The following NBPF14 variants were observed in gnomAD, a reference collection of about 807,000 sequenced individuals.
NBPF14 encodes the protein NBPF member 14, also known as NBPF family member NBPF14.
NBPF14 carries 104 observed loss-of-function variants against 91.2 expected under a neutral mutation model. The ratio of observed to expected loss-of-function variants is 1.14; its 90% CI spans 0.97 to 1.34. NBPF14 has a LOEUF of 1.34. NBPF14 is among the 40% of genes most tolerant of loss of function. The pLI is 0.00. For synonymous variants in NBPF14, 294 were observed against 303.8 expected (o/e 0.97, Z 0.34); for missense variants, 908 against 783.0 (o/e 1.16, Z -1.91).
At chr1:148,534,734 G>A (rs1331824654) in exon 69 of NBPF14, 2 of 832,708 alleles carry the variant, frequency 2.4e-6, no homozygotes, top group African/African-American at 1.7e-5. Context: ...TGAGTAAACA[G>A]CACTGCTGTA....
intron 12 of NBPF14, among the ~76,000 whole-genome samples, chr1:148,580,747 C>T (rs1337323603): frequency 1.7e-5 from 1 of 58,170 alleles, no homozygotes; most frequent in African/African-American, 8.0e-5. Context: ...AGCAGCAGAT[C>T]TCTTGGCACA....
rs1239263276 is a variant in NBPF14 at position 148,533,760 on chromosome 1, C to T, written c.8723+101G>A. On this transcript the variant is annotated intron_variant, in intron 70 of 70. Coordinates refer to ENST00000619423, the Ensembl canonical transcript of NBPF14. ...AGCAATGACAGTAGGAGTAATTCAGCCTTTGTTGAAAATATGACATCAAAC... is the reference window on the plus strand; with the variant it reads ...AGCAATGACAGTAGGAGTAATTCAGTCTTTGTTGAAAATATGACATCAAAC... 12 of 761,256 alleles carry T rather than the reference C, an allele frequency of 1.6e-5. 1 individual carries two copies. The highest frequency in any genetic ancestry group is 1.0e-4 in the Admixed American group (6 of 57,824). 47.2% of individuals were successfully genotyped at this position (761,256 alleles called of 1,614,324 possible). A position where few individuals can be genotyped will look rare whatever the true frequency, so the allele number is the denominator to read the frequency against.
At chr1:148,588,618 T>C in intron 7 of NBPF14, among the ~76,000 whole-genome samples, 1 of 152,096 alleles carries the variant, frequency 6.6e-6, no homozygotes, top group East Asian at 1.9e-4. Flanking sequence ...ATTACAGGAG[T>C]GAGCCACCAT....
exon 37 of NBPF14, chr1:148,559,858 T>C: frequency 6.6e-7 from 1 of 1,509,212 alleles, no homozygotes; most frequent in Non-Finnish European, 8.9e-7. Flanking sequence ...TCTATAGGGC[T>C]GGCATGAGTC....
In NBPF14 at chr1:148,576,287, A is replaced by G. The variant is rs1330540947; in HGVS notation, c.2078+123T>C. 14 of 535,334 alleles carry G rather than the reference A, an allele frequency of 2.6e-5. No homozygotes were observed. In the Admixed American group the frequency reaches 3.2e-4, roughly 12 times the overall value. 33.2% of individuals were successfully genotyped at this position (535,334 alleles called of 1,614,324 possible). A position where few individuals can be genotyped will look rare whatever the true frequency, so the allele number is the denominator to read the frequency against. On this transcript the variant is annotated intron_variant, in intron 16 of 70. Transcript: ENST00000619423. ...TCTACTGCAATGAAAACCAACAGCA[A>G]TGTCAGTAGGAGTAATTCAACCTTC...
chr1:148,585,933 A>G (rs1474694667), intron 9 of NBPF14, among the ~76,000 whole-genome samples: 20 of 150,602 alleles, frequency 1.3e-4, no homozygotes, highest in Middle Eastern at 3.5e-3. Context: ...GGGAACCTTC[A>G]TTCTTAGTCC....
Position 148,566,762 on chromosome 1 carries a change from T to TA in NBPF14, c.3542+189dup, listed in dbSNP as rs1658527332. The stretch of plus-strand genomic sequence containing the variant: ...GTCTGGTCCACCTACAGTAGGTTAG[T>TA]AAATGATAAGGGGAGGAAGAAATGG... On this transcript the variant is annotated intron_variant, in intron 28 of 70. Transcript: ENST00000619423. Among the ~76,000 whole-genome samples the TA allele has an allele frequency of 1.9e-5, 2 of 104,836 alleles. 1 individual carries two copies. The highest frequency in any genetic ancestry group is 1.8e-4 in the Admixed American group (2 of 11,386). 68.8% of individuals were successfully genotyped at this position (104,836 alleles called of 152,430 possible). A position where few individuals can be genotyped will look rare whatever the true frequency, so the allele number is the denominator to read the frequency against.
exon 8 of NBPF14, chr1:148,587,391 C>A (rs1661719489): frequency 2.5e-6 from 4 of 1,579,402 alleles, no homozygotes; most frequent in African/African-American, 2.8e-5. Flanking sequence ...GAGGTCTTTG[C>A]ACTCTTCATA....
At chr1:148,539,312 GA>G (rs1177522721) in intron 63 of NBPF14, 97 bp downstream of exon 63, 2 of 617,520 alleles carry the variant, frequency 3.2e-6, no homozygotes, top group African/African-American at 5.7e-5. Context: ...CTGCGGCAAT[GA>G]CGTCTCTCGG....
intron 67 of NBPF14, 132 bp downstream of exon 67, chr1:148,536,092 A>C: frequency 1.7e-6 from 1 of 589,462 alleles, no homozygotes; most frequent in Non-Finnish European, 3.1e-6. Context: ...GTTTCACTCA[A>C]CCTACATGTG....
At chr1:148,578,135 T>G in intron 13 of NBPF14, 101 bp from the exon 14 acceptor site, 1 of 730,572 alleles carries the variant, frequency 1.4e-6, no homozygotes, top group Non-Finnish European at 2.5e-6. Flanking sequence ...GTCTTGTCAG[T>G]GTGAGAACAG....
chr1:148,557,121 C>G (rs1233106741), intron 40 of NBPF14, among the ~76,000 whole-genome samples: 2 of 123,642 alleles, frequency 1.6e-5, no homozygotes, highest in East Asian at 2.6e-4. Context: ...AGTGAATTGT[C>G]CAGGTGACAC....
chr1:148,559,554 G>C (rs1470991802), intron 37 of NBPF14, among the ~76,000 whole-genome samples: 10 of 122,044 alleles, frequency 8.2e-5, no homozygotes, highest in Non-Finnish European at 1.2e-4. Flanking sequence ...CCAATGTCAT[G>C]AGAGTAGGAT....
intron 13 of NBPF14, among the ~76,000 whole-genome samples, chr1:148,578,708 C>CA (rs1406430668): frequency 7.5e-6 from 1 of 133,916 alleles, no homozygotes; most frequent in African/African-American, 2.8e-5. Flanking sequence ...GAACAAAACT[C>CA]ATAAGGAATT....
At chr1:148,566,927 T>C in intron 28 of NBPF14, 25 bp downstream of exon 28, 1 of 270,760 alleles carries the variant, frequency 3.7e-6, no homozygotes, top group Non-Finnish European at 6.5e-6. Context: ...AACACAGAAG[T>C]AGCTGTTCAC....
At position 148,542,173 on chromosome 1, in the gene NBPF14, C is replaced by A. The variant is rs1395566197; in HGVS notation, c.7376-334G>T. 6.7e-5 allele frequency among the ~76,000 whole-genome samples: 7 copies of A among 103,904 alleles called. 1 individual carries two copies. Among genetic ancestry groups the A allele is most frequent in the Admixed American group, 2.5e-4 (3 of 11,938 alleles). 68.2% of individuals were successfully genotyped at this position (103,904 alleles called of 152,430 possible). A position where few individuals can be genotyped will look rare whatever the true frequency, so the allele number is the denominator to read the frequency against. The stretch of plus-strand genomic sequence containing the variant: ...TAGGAGAAAAACTGCAATATTTAGC[C>A]CTGTCTCAACAAATACGCAGATTGT... On this transcript the variant is annotated intron_variant, in intron 59 of 70. Coordinates refer to ENST00000619423, the Ensembl canonical transcript of NBPF14.
chr1:148,559,839 A>T (rs1657397104), exon 37 of NBPF14: 4 of 1,531,400 alleles, frequency 2.6e-6, no homozygotes, highest in Non-Finnish European at 3.5e-6. Flanking sequence ...CCAATATGTA[A>T]AAGGCACTTC....
intron 37 of NBPF14, among the ~76,000 whole-genome samples, chr1:148,559,370 C>A (rs1208739559): frequency 2.3e-5 from 3 of 131,130 alleles, no homozygotes; most frequent in Non-Finnish European, 4.5e-5. Context: ...GCAATTGCCC[C>A]CAAATGGTTG....
At chr1:148,587,401 A>C in exon 8 of NBPF14, 1 of 1,577,312 alleles carries the variant, frequency 6.3e-7, no homozygotes, top group Non-Finnish European at 8.6e-7. Flanking sequence ...CACTCTTCAT[A>C]TTCTGAGAAA....
Sources: allele counts gnomAD v4.1 joint callset (sites outside exome capture counted in the v4.1 genomes callset), GRCh38; gene constraint gnomAD v4.1.1; transcripts MANE v1.5; gene names NCBI Gene and HGNC (gene_info 2026-07-23, HGNC 2026-07-21).